Variants in CADM1 observed in about 807,000 individuals in gnomAD.
The protein encoded by CADM1 is TSLC-1.
CADM1 carries 15 observed loss-of-function variants against 53.1 expected under a neutral mutation model. That is an observed-to-expected ratio of 0.28 (90% confidence interval 0.19 to 0.44). The LOEUF is 0.44. Among genes scored for constraint, CADM1 ranks in the 20% least tolerant of loss-of-function variants. The pLI is 1.00. For synonymous variants in CADM1, 281 were observed against 243.0 expected (o/e 1.16, Z -1.45); for missense variants, 434 against 611.3 (o/e 0.71, Z 3.06).
chr11:115,388,408 G>C (rs141540994), intron 1 of CADM1, among the ~76,000 whole-genome samples: 1 of 152,112 alleles, frequency 6.6e-6, no homozygotes, highest in Admixed American at 6.6e-5. Flanking sequence ...TAAATCTAAG[G>C]GGTGAGTTTT....
chr11:115,269,366 G>A (rs532551820), intron 1 of CADM1, among the ~76,000 whole-genome samples: 4 of 152,266 alleles, frequency 2.6e-5, no homozygotes, highest in Admixed American at 1.3e-4. Context: ...CCCAAGCCAA[G>A]TGGGCAAATT....
At chr11:115,358,274 G>C (rs1438142766) in intron 1 of CADM1, among the ~76,000 whole-genome samples, 1 of 152,088 alleles carries the variant, frequency 6.6e-6, no homozygotes, top group Non-Finnish European at 1.5e-5. Flanking sequence ...ATAAAGTATT[G>C]TATTAGCCCA....
chr11:115,504,240 T>C (rs1236461874), intron 1 of CADM1, 31 bp downstream of exon 1: 1 of 1,564,658 alleles, frequency 6.4e-7, no homozygotes, highest in East Asian at 2.4e-5. Flanking sequence ...TTCGGAGATT[T>C]AGGGGCCAAC....
chr11:115,412,914 T>C (rs546929059), intron 1 of CADM1, among the ~76,000 whole-genome samples: 1 of 152,342 alleles, frequency 6.6e-6, no homozygotes, highest in East Asian at 1.9e-4. Context: ...CACACCTCAA[T>C]TACTGTTCAT....
At chr11:115,422,425 A>C (rs2135273104) in intron 1 of CADM1, among the ~76,000 whole-genome samples, 1 of 152,310 alleles carries the variant, frequency 6.6e-6, no homozygotes, top group South Asian at 2.1e-4. Flanking sequence ...ACAAAAATAA[A>C]AGGCTCCATC....
intron 9 of CADM1, among the ~76,000 whole-genome samples, chr11:115,191,324 C>T (rs951626781): frequency 3.9e-5 from 6 of 152,134 alleles, no homozygotes; most frequent in East Asian, 1.9e-4. Flanking sequence ...CATTTTATTT[C>T]GCATTTTACT....
At chr11:115,461,238 C>T (rs1029087182) in intron 1 of CADM1, among the ~76,000 whole-genome samples, 1 of 152,100 alleles carries the variant, frequency 6.6e-6, no homozygotes, top group African/African-American at 2.4e-5. Context: ...GGATAGTATA[C>T]ATCTCACAAA....
rs946397235 is a variant in CADM1 at position 115,319,771 on chromosome 11, C to T, written c.125-79351G>A. On this transcript the variant is annotated intron_variant, in intron 1 of 11. Transcript: ENST00000331581. ...ATCCTGACAGATGTTGTTACTTCCTCTAATACAAAAATAATGCAAAAATGC... is the reference window on the plus strand; with the variant it reads ...ATCCTGACAGATGTTGTTACTTCCTTTAATACAAAAATAATGCAAAAATGC... Among the ~76,000 whole-genome samples the T allele has an allele frequency of 5.3e-5, 5 of 94,214 alleles. No homozygotes were observed. In the Admixed American group the frequency reaches 6.4e-4, roughly 12 times the overall value. 61.8% of individuals were successfully genotyped at this position (94,214 alleles called of 152,430 possible).
intron 1 of CADM1, among the ~76,000 whole-genome samples, chr11:115,384,790 G>A (rs1394586182): frequency 6.6e-6 from 1 of 152,156 alleles, no homozygotes; most frequent in Non-Finnish European, 1.5e-5. Flanking sequence ...GTGGAAAGGG[G>A]TTAATGGAAA....
chr11:115,488,938 G>C (rs1476732378), intron 1 of CADM1, among the ~76,000 whole-genome samples: 1 of 152,134 alleles, frequency 6.6e-6, no homozygotes, highest in Non-Finnish European at 1.5e-5. Flanking sequence ...AAGGAAAACT[G>C]TTACCCTGAG....
chr11:115,238,703 C>A, intron 2 of CADM1, 51 bp from the exon 3 acceptor site: 1 of 1,575,346 alleles, frequency 6.3e-7, no homozygotes, highest in South Asian at 1.1e-5. Flanking sequence ...GACGGACAGT[C>A]TATTTTCCTT....
chr11:115,263,690 C>T (rs1382398159), intron 1 of CADM1, among the ~76,000 whole-genome samples: 2 of 152,034 alleles, frequency 1.3e-5, no homozygotes, highest in East Asian at 3.8e-4. Context: ...CACCTTTGAC[C>T]ATTGCGAGTT....
chr11:115,362,583 T>C (rs987545643), intron 1 of CADM1, among the ~76,000 whole-genome samples: 6 of 152,216 alleles, frequency 3.9e-5, no homozygotes, highest in African/African-American at 1.4e-4. Context: ...GCCTGGAGAA[T>C]AATAGTATAA....
chr11:115,187,263 C>T (rs1939605798), intron 10 of CADM1, among the ~76,000 whole-genome samples: 1 of 152,062 alleles, frequency 6.6e-6, no homozygotes, highest in Admixed American at 6.6e-5. Flanking sequence ...GAAAGAGTTC[C>T]CCCTAAATGG....
In CADM1 at chr11:115,311,500, C is replaced by T. The variant is rs576756571; in HGVS notation, c.125-71080G>A. On this transcript the variant is annotated intron_variant, in intron 1 of 11. Transcript: ENST00000331581. Reference sequence around the variant, plus strand: ...AGGAAAATCTGCCCCTAGTGTAGACCGTGGGTTTCATATCCCGTAAATACT... The same window carrying T: ...AGGAAAATCTGCCCCTAGTGTAGACTGTGGGTTTCATATCCCGTAAATACT... 2.7e-4 allele frequency among the ~76,000 whole-genome samples: 41 copies of T among 152,154 alleles called. No individual in the cohort carries two copies. In the South Asian group the frequency reaches 7.9e-3, roughly 29 times the overall value.
chr11:115,342,821 T>C (rs1392291709), intron 1 of CADM1, among the ~76,000 whole-genome samples: 2 of 152,154 alleles, frequency 1.3e-5, no homozygotes, highest in African/African-American at 4.8e-5. Context: ...ATGTTCAACC[T>C]TATATAACCT....
At chr11:115,348,739 C>T (rs181049617) in intron 1 of CADM1, among the ~76,000 whole-genome samples, 336 of 152,084 alleles carry the variant, frequency 2.2e-3, no homozygotes, top group Non-Finnish European at 3.1e-3. Context: ...GGATAAGTGC[C>T]GTGAGCAAAA....
At chr11:115,244,603 TTCAGCTAAGTGGCCAAGC>T (rs1021254373) in intron 1 of CADM1, among the ~76,000 whole-genome samples, 10 of 152,174 alleles carry the variant, frequency 6.6e-5, no homozygotes, top group Non-Finnish European at 1.5e-4. Context: ...CCTGATGTCA[TTCAGCTAAGTGGCCAAGC>T]TGATGCTTGA....
At chr11:115,358,572 G>A (rs542849896) in intron 1 of CADM1, among the ~76,000 whole-genome samples, 3 of 152,224 alleles carry the variant, frequency 2.0e-5, no homozygotes, top group East Asian at 1.9e-4. Flanking sequence ...TGGGAATTAC[G>A]GGAGCTACGA....
Sources: allele counts gnomAD v4.1 joint callset (sites outside exome capture counted in the v4.1 genomes callset), GRCh38; gene constraint gnomAD v4.1.1; transcripts MANE v1.5; gene names NCBI Gene and HGNC (gene_info 2026-07-23, HGNC 2026-07-21).